The following TSHZ2 variants were observed in gnomAD, a reference collection of about 807,000 sequenced individuals.
TSHZ2 encodes teashirt zinc finger homeobox 2.
TSHZ2 carries 21 observed loss-of-function variants against 74.4 expected under a neutral mutation model. That is an observed-to-expected ratio of 0.28 (90% CI 0.20 to 0.41). TSHZ2 has a LOEUF of 0.41. Among genes scored for constraint, TSHZ2 ranks in the 10% least tolerant of loss-of-function variants. TSHZ2 has a pLI of 1.00. For synonymous variants in TSHZ2, 540 were observed against 515.3 expected, an observed-to-expected ratio of 1.05 and a Z score of -0.65; for missense variants, 1,244 against 1,293.5, an observed-to-expected ratio of 0.96 and a Z score of 0.59.
chr20:53,343,949 C>T (rs1386744466), intron 2 of TSHZ2, among the ~76,000 whole-genome samples: 2 of 152,150 alleles, frequency 1.3e-5, no homozygotes, highest in Non-Finnish European at 2.9e-5. Context: ...TCCTTTGGGC[C>T]TTTGACTAGT....
intron 1 of TSHZ2, among the ~76,000 whole-genome samples, chr20:53,156,762 CT>C (rs1555830983): frequency 6.6e-6 from 1 of 152,166 alleles, no homozygotes; most frequent in Non-Finnish European, 1.5e-5. Flanking sequence ...TGAATTAATA[CT>C]TTTTCTTAAT....
At chr20:53,386,641 C>G (rs1380698791) in intron 2 of TSHZ2, among the ~76,000 whole-genome samples, 1 of 152,184 alleles carries the variant, frequency 6.6e-6, no homozygotes, top group Non-Finnish European at 1.5e-5. Flanking sequence ...AACGAATGCC[C>G]CGTTGCCTTT....
chr20:52,992,700 A>C (rs1275327347), intron 1 of TSHZ2, among the ~76,000 whole-genome samples: 2 of 152,222 alleles, frequency 1.3e-5, no homozygotes, highest in African/African-American at 4.8e-5. Context: ...TGGGGAAATG[A>C]GTTTCCAAAC....
chr20:53,478,313 C>A (rs1371723552), intron 2 of TSHZ2, among the ~76,000 whole-genome samples: 1 of 151,404 alleles, frequency 6.6e-6, no homozygotes, highest in African/African-American at 2.4e-5. Flanking sequence ...ACATATACAC[C>A]ATGGAATACT....
intron 2 of TSHZ2, among the ~76,000 whole-genome samples, chr20:53,360,882 C>T (rs1381789039): frequency 8.5e-5 from 13 of 152,150 alleles, no homozygotes; most frequent in Admixed American, 7.9e-4. Context: ...CAGGATAATG[C>T]CAGAAGCCAA....
chr20:53,312,416 T>C (rs1290266618), intron 2 of TSHZ2, among the ~76,000 whole-genome samples: 2 of 152,206 alleles, frequency 1.3e-5, no homozygotes, highest in Non-Finnish European at 2.9e-5. Flanking sequence ...AAACCCTGAA[T>C]GGCAGTGATT....
chr20:53,232,477 A>G (rs1450661650), intron 1 of TSHZ2, among the ~76,000 whole-genome samples: 1 of 152,230 alleles, frequency 6.6e-6, no homozygotes, highest in East Asian at 1.9e-4. Context: ...ATCGAGGCTG[A>G]TTTTACTCAA....
intron 2 of TSHZ2, among the ~76,000 whole-genome samples, chr20:53,450,397 T>A (rs945272273): frequency 6.6e-6 from 1 of 152,260 alleles, no homozygotes; most frequent in Non-Finnish European, 1.5e-5. Context: ...TGCCAGTATA[T>A]AGTCCCTAAC....
At chr20:53,343,903 G>A (rs958547604) in intron 2 of TSHZ2, among the ~76,000 whole-genome samples, 9 of 152,126 alleles carry the variant, frequency 5.9e-5, no homozygotes, top group South Asian at 2.1e-4. Flanking sequence ...CGGCTCTAGC[G>A]GAACTCTTTA....
At chr20:53,478,454 T>C (rs1355983028) in intron 2 of TSHZ2, among the ~76,000 whole-genome samples, 4 of 141,916 alleles carry the variant, frequency 2.8e-5, no homozygotes, top group African/African-American at 5.2e-5. Context: ...TAGGTGGGAA[T>C]TGAACAATGA....
At chr20:53,052,500 C>T (rs1350609634) in intron 1 of TSHZ2, among the ~76,000 whole-genome samples, 1 of 152,196 alleles carries the variant, frequency 6.6e-6, no homozygotes, top group Non-Finnish European at 1.5e-5. Flanking sequence ...CCTCCTTCCT[C>T]CCCTGAGCCA....
chr20:53,223,374 C>T (rs756278087), intron 1 of TSHZ2, among the ~76,000 whole-genome samples: 5 of 152,104 alleles, frequency 3.3e-5, no homozygotes, highest in Non-Finnish European at 5.9e-5. Context: ...AGGTTACTTG[C>T]TCAAAAACTG....
intron 1 of TSHZ2, among the ~76,000 whole-genome samples, chr20:53,170,756 A>T (rs569213698): frequency 2.0e-5 from 3 of 152,274 alleles, no homozygotes; most frequent in African/African-American, 7.2e-5. Flanking sequence ...TATATAATGA[A>T]AGGGCATTGG....
intron 1 of TSHZ2, among the ~76,000 whole-genome samples, chr20:53,052,515 T>A (rs1800519888): frequency 6.6e-6 from 1 of 152,202 alleles, no homozygotes; most frequent in Non-Finnish European, 1.5e-5. Context: ...GAGCCACCAG[T>A]CCTTGGAAAA....
Position 53,253,637 on chromosome 20 carries a change from A to T in TSHZ2, c.179A>T (p.Gln60Leu). The part of the protein sequence containing the change: ...TDEELETGPE[Q>L]KGCFSYQNSP... ...GAGGAGCTAGAAACGGGCCCAGAGC[A>T]AAAAGGCTGCTTCAGCTACCAGAAC... The change falls in exon 2 of 3, where the codon CAA (glutamine) becomes CTA (leucine). Residue 60 changes from glutamine to leucine, a missense_variant. Gln to Leu is a moderately radical substitution (Grantham distance 113, BLOSUM62 -2). Transcript: ENST00000371497. The T allele has an allele frequency of 6.2e-7, 1 of 1,614,168 alleles. No individual in the cohort carries two copies. The highest frequency in any genetic ancestry group is 1.7e-5 in the Admixed American group (1 of 60,026).
intron 2 of TSHZ2, among the ~76,000 whole-genome samples, chr20:53,311,909 T>C (rs1160271071): frequency 6.6e-6 from 1 of 152,074 alleles, no homozygotes; most frequent in East Asian, 1.9e-4. Flanking sequence ...TAGGGAGATA[T>C]TGTCTCTACA....
chr20:53,292,447 AT>A (rs149635565), intron 2 of TSHZ2, among the ~76,000 whole-genome samples: 2,938 of 141,344 alleles, frequency 0.021, 34 homozygotes, highest in Non-Finnish European at 0.027. Context: ...CAAACCACCT[AT>A]TTTTTTTTTT....
intron 1 of TSHZ2, among the ~76,000 whole-genome samples, chr20:53,201,744 T>C (rs965545794): frequency 5.9e-5 from 9 of 152,152 alleles, no homozygotes; most frequent in African/African-American, 1.9e-4. Context: ...CACCCTTTTT[T>C]GCTGGTGGGG....
At chr20:53,262,789 T>C (rs1010428887) in intron 2 of TSHZ2, among the ~76,000 whole-genome samples, 1 of 152,200 alleles carries the variant, frequency 6.6e-6, no homozygotes, top group African/African-American at 2.4e-5. Flanking sequence ...TCCTGGAAGA[T>C]CAGGAGTTTG....
Sources: gnomAD v4.1 joint callset for allele counts (sites outside exome capture counted in the v4.1 genomes callset) on GRCh38, gnomAD v4.1.1 for gene constraint, MANE v1.5 for transcripts, NCBI Gene and HGNC (gene_info 2026-07-23, HGNC 2026-07-21) for gene names.